SCP2: variants seen among roughly 807,000 people sequenced by gnomAD.
SCP2 encodes the protein SCP-2/3-oxoacyl-CoA thiolase.
In SCP2, 48 loss-of-function variants were observed where a neutral mutation model predicts 71.4. The ratio of observed to expected loss-of-function variants is 0.67; its 90% CI spans 0.53 to 0.86. SCP2 has a LOEUF of 0.86. Among genes scored for constraint, SCP2 ranks in the 40% least tolerant of loss-of-function variants. The probability of loss-of-function intolerance (pLI) is 0.00; values close to 1 mark genes in which losing one functional copy is unlikely to be tolerated. For missense variants in SCP2, 560 were observed against 655.6 expected (o/e 0.85, Z 1.59); for synonymous variants, 220 against 218.1 (o/e 1.01, Z -0.08).
intron 10 of SCP2, among the ~76,000 whole-genome samples, chr1:52,986,135 T>G (rs150717178): frequency 1.6e-4 from 25 of 152,370 alleles, no homozygotes; most frequent in Non-Finnish European, 2.6e-4. Context: ...CAAAAGCGTA[T>G]GCATTTGTTT....
At chr1:52,939,930 A>G (rs546220541) in intron 1 of SCP2, among the ~76,000 whole-genome samples, 1 of 152,076 alleles carries the variant, frequency 6.6e-6, no homozygotes. Context: ...TCGGCTTCCT[A>G]AAGTGCTGGG....
At chr1:53,023,106 G>C (rs1375133126) in intron 12 of SCP2, among the ~76,000 whole-genome samples, 1 of 152,138 alleles carries the variant, frequency 6.6e-6, no homozygotes, top group Admixed American at 6.6e-5. Context: ...TCTTAGAGCA[G>C]GGCACATATA....
At chr1:53,029,894 T>C (rs201320265) in intron 13 of SCP2, among the ~76,000 whole-genome samples, 2,355 of 129,556 alleles carry the variant, frequency 0.018, 72 homozygotes, top group African/African-American at 0.064. Context: ...CTTTACCCCC[T>C]GTTTTTTTTT....
chr1:53,037,879 TACACACACACACAC>T (rs34293671), intron 13 of SCP2, among the ~76,000 whole-genome samples: 2,119 of 84,576 alleles, frequency 0.025, 88 homozygotes, highest in African/African-American at 0.083. Context: ...TGTCTCTACA[TACACACACACACAC>T]ACACACACAC....
intron 3 of SCP2, among the ~76,000 whole-genome samples, chr1:52,948,955 T>TG (rs889509514): frequency 3.0e-4 from 46 of 151,998 alleles, no homozygotes; most frequent in Non-Finnish European, 5.7e-4. Flanking sequence ...ACATTTTTTT[T>TG]TTTTTGTTTT....
rs539235644 is a variant in SCP2 at position 52,976,556 on chromosome 1, G to A, written c.588-127G>A. Reference sequence around the variant, plus strand: ...AAAGGTCAATTCAGATGACATTTATGGCTATTCATAAAAATCTGTCTTCTG... The same window carrying A: ...AAAGGTCAATTCAGATGACATTTATAGCTATTCATAAAAATCTGTCTTCTG... On this transcript the variant is annotated intron_variant, in intron 7 of 15. Transcript: ENST00000371514. The A allele has an allele frequency of 2.1e-4, 145 of 679,058 alleles. 1 individual carries two copies. The East Asian group carries it at 3.5e-3, about 16-fold the overall frequency. The allele number at this position is 679,058 out of a possible 1,614,324, so 42.1% of individuals were successfully genotyped here.
intron 15 of SCP2, 99 bp from the exon 16 acceptor site, chr1:53,050,510 C>A: frequency 1.3e-6 from 1 of 781,034 alleles, no homozygotes; most frequent in South Asian, 1.4e-5. Flanking sequence ...AGTCATGTGA[C>A]CTGGATAAAT....
intron 15 of SCP2, chr1:53,048,494 T>C (rs942945257): frequency 1.6e-5 from 3 of 183,206 alleles, no homozygotes; most frequent in Non-Finnish European, 3.5e-5. Flanking sequence ...GCTGGGGAGC[T>C]GTAACCAGTC....
At chr1:52,951,228 G>A (rs555807012) in intron 4 of SCP2, among the ~76,000 whole-genome samples, 41 of 151,994 alleles carry the variant, frequency 2.7e-4, no homozygotes, top group Admixed American at 2.2e-3. Context: ...ATTGCAGTGA[G>A]CCTAGATGGC....
chr1:52,930,614 G>T (rs1653062296), intron 1 of SCP2, among the ~76,000 whole-genome samples: 1 of 150,196 alleles, frequency 6.7e-6, no homozygotes, highest in Admixed American at 6.6e-5. Flanking sequence ...TAATGGGAGT[G>T]AGACTCTGTC....
chr1:52,927,736 G>C (rs1652597657), intron 1 of SCP2, among the ~76,000 whole-genome samples: 2 of 152,170 alleles, frequency 1.3e-5, no homozygotes, highest in Non-Finnish European at 2.9e-5. Context: ...TAGATTCTGA[G>C]CGGAGTCCCG....
intron 4 of SCP2, among the ~76,000 whole-genome samples, chr1:52,954,060 C>T (rs944544069): frequency 2.0e-5 from 3 of 151,514 alleles, no homozygotes; most frequent in Admixed American, 2.0e-4. Context: ...GCCTGTAATC[C>T]TAGCACTTGG....
At chr1:52,991,110 C>T (rs1458311668) in intron 11 of SCP2, among the ~76,000 whole-genome samples, 1 of 152,152 alleles carries the variant, frequency 6.6e-6, no homozygotes, top group Non-Finnish European at 1.5e-5. Flanking sequence ...TGAATGAAGT[C>T]TTGGGTTTGA....
At chr1:52,961,222 C>G (rs773998328) in intron 5 of SCP2, among the ~76,000 whole-genome samples, 1 of 151,212 alleles carries the variant, frequency 6.6e-6, no homozygotes, top group Non-Finnish European at 1.5e-5. Flanking sequence ...TGCTATCCCT[C>G]CCCCCAACCC....
intron 14 of SCP2, among the ~76,000 whole-genome samples, chr1:53,046,847 G>A (rs11588200): frequency 6.6e-6 from 1 of 152,088 alleles, no homozygotes; most frequent in South Asian, 2.1e-4. Context: ...TTGATCTAGA[G>A]AACCGTATTC....
intron 15 of SCP2, 32 bp downstream of exon 15, chr1:53,047,969 AG>A: frequency 1.4e-6 from 2 of 1,474,038 alleles, no homozygotes; most frequent in Non-Finnish European, 1.9e-6. Context: ...TCCTGCTAGT[AG>A]GTAGGTCTTT....
intron 14 of SCP2, among the ~76,000 whole-genome samples, chr1:53,041,828 G>A (rs1663459723): frequency 1.3e-5 from 2 of 152,188 alleles, no homozygotes; most frequent in Non-Finnish European, 2.9e-5. Flanking sequence ...GGGAGCACAG[G>A]TGGAAGCAAG....
chr1:52,956,380 C>G (rs1247321109), intron 5 of SCP2, among the ~76,000 whole-genome samples: 1 of 152,172 alleles, frequency 6.6e-6, no homozygotes, highest in African/African-American at 2.4e-5. Flanking sequence ...TGTGATCAAC[C>G]TGATCCCATT....
At position 53,038,918 on chromosome 1, in the gene SCP2, A is replaced by G; in HGVS notation, c.1340A>G (p.Glu447Gly). ...FKEIEKKLEEEGEQFVKKIGG... is the reference protein window; with the variant it reads ...FKEIEKKLEEGGEQFVKKIGG... Reference sequence around the variant, plus strand: ...CCCCAGTGTTATTTTTCTTTCCAGGAAGGGGAACAGTTTGTGAAGAAAATC... The same window carrying G: ...CCCCAGTGTTATTTTTCTTTCCAGGGAGGGGAACAGTTTGTGAAGAAAATC... Residue 447 changes from glutamate to glycine, a missense_variant and splice_region_variant, in exon 14 of 16, where the codon GAA (glutamate) becomes GGA (glycine). By Grantham distance (98) the Glu-to-Gly change is moderately conservative. Coordinates refer to ENST00000371514, the MANE Select transcript of SCP2 (RefSeq NM_002979.5). 1.2e-6 allele frequency: 2 copies of G among 1,613,962 alleles called. No homozygotes were observed. Among genetic ancestry groups the G allele is most frequent in the Non-Finnish European group, 1.7e-6 (2 of 1,180,014 alleles).
Sources: allele counts gnomAD v4.1 joint callset (sites outside exome capture counted in the v4.1 genomes callset), GRCh38; gene constraint gnomAD v4.1.1; transcripts MANE v1.5; gene names NCBI Gene and HGNC (gene_info 2026-07-23, HGNC 2026-07-21).